Variants in GABRA1 observed in about 807,000 individuals in gnomAD.
GABRA1 encodes the protein gamma-aminobutyric acid type A receptor subunit alpha1, also known as gamma-aminobutyric acid receptor subunit alpha-1.
In GABRA1, 9 loss-of-function variants were observed where a neutral mutation model predicts 48.9. The ratio of observed to expected loss-of-function variants is 0.18; its 90% confidence interval spans 0.11 to 0.32. The LOEUF is 0.32. GABRA1 is among the 10% of genes least tolerant of loss of function. GABRA1 has a pLI of 1.00. For missense variants in GABRA1, 285 were observed against 553.8 expected (o/e 0.51, Z 4.87); for synonymous variants, 210 against 198.7 (o/e 1.06, Z -0.48).
chr5:161,894,292 G>A (rs1287273207), intron 8 of GABRA1, among the ~76,000 whole-genome samples: 1 of 152,130 alleles, frequency 6.6e-6, no homozygotes, highest in Non-Finnish European at 1.5e-5. Context: ...AGCAGTTATA[G>A]AACAGGGATT....
rs1037259843 is a variant in GABRA1, at chr5:161,899,820, C to T, written c.*2398C>T. On this transcript the variant is annotated 3_prime_UTR_variant, in exon 10 of 10. Transcript: ENST00000393943. ...ATTGCACTTTAGTGCAGTGAAGTGG[C>T]AATAAAACCTAACATGAATCAAGGT... is the stretch of plus-strand genomic sequence containing the variant. 6.6e-6 allele frequency: 1 copy of T among 152,044 alleles called. No homozygotes were observed. The highest frequency in any genetic ancestry group is 2.4e-5 in the African/African-American group (1 of 41,408). The allele number at this position is 152,044 out of a possible 1,614,324, so 9.4% of individuals were successfully genotyped here.
At chr5:161,886,005 T>G (rs1754828623) in intron 7 of GABRA1, among the ~76,000 whole-genome samples, 1 of 152,196 alleles carries the variant, frequency 6.6e-6, no homozygotes, top group African/African-American at 2.4e-5. Flanking sequence ...GCATTGGCAC[T>G]GTTCTATTCT....
chr5:161,869,628 A>G (rs985985822), intron 4 of GABRA1, among the ~76,000 whole-genome samples: 2 of 152,192 alleles, frequency 1.3e-5, no homozygotes, highest in Non-Finnish European at 2.9e-5. Flanking sequence ...ATACACACAG[A>G]TGGTAATAAA....
rs1167157957 is a variant in GABRA1, at chr5:161,854,194, C to G, written c.111C>G (p.Asp37Glu). 1 of 1,608,644 alleles carries G rather than the reference C, an allele frequency of 6.2e-7. No individual in the cohort carries two copies. Among genetic ancestry groups the G allele is most frequent in the Admixed American group, 1.7e-5 (1 of 59,886 alleles). ...CGTCATTACAAGATGAACTTAAAGA[C>G]AATACCACTGTCTTCACCAGGATTT... is the stretch of plus-strand genomic sequence containing the variant. Reference protein sequence around the residue: ...GQPSLQDELKDNTTVFTRILD... With the variant: ...GQPSLQDELKENTTVFTRILD... The change falls in exon 3 of 10, where the codon GAC becomes GAG. Residue 37 changes from aspartate to glutamate, a missense_variant. Asp to Glu is a conservative substitution (Grantham distance 45). This residue lies in a region of GABRA1 where 45 missense variants were observed against 39.9 expected (regional missense o/e 1.13). Transcript: ENST00000393943.
chr5:161,867,020 G>A (rs1357789942), intron 4 of GABRA1, among the ~76,000 whole-genome samples: 1 of 152,048 alleles, frequency 6.6e-6, no homozygotes, highest in South Asian at 2.1e-4. Context: ...TCATGTATAA[G>A]GTGGGATTAA....
chr5:161,885,078 A>T (rs1467415529), intron 7 of GABRA1, among the ~76,000 whole-genome samples: 1 of 152,210 alleles, frequency 6.6e-6, no homozygotes, highest in East Asian at 1.9e-4. Flanking sequence ...CAGCAAGTTC[A>T]CCTACATAAA....
At chr5:161,870,370 T>C (rs1754054687) in intron 4 of GABRA1, among the ~76,000 whole-genome samples, 1 of 151,982 alleles carries the variant, frequency 6.6e-6, no homozygotes, top group Non-Finnish European at 1.5e-5. Context: ...GAGACCAGCC[T>C]GACCAACATG....
At chr5:161,847,839 G>T (rs182812098), upstream of GABRA1, 7 of 152,180 alleles carry the variant, frequency 4.6e-5, no homozygotes, top group East Asian at 7.7e-4. Flanking sequence ...CCTTAAAATC[G>T]GGTGTTCATA....
chr5:161,854,716 C>A (rs1757580977), intron 3 of GABRA1, among the ~76,000 whole-genome samples: 1 of 151,546 alleles, frequency 6.6e-6, no homozygotes, highest in African/African-American at 2.4e-5. Flanking sequence ...TAAATTGCCA[C>A]CACCTCTAGG....
intron 2 of GABRA1, among the ~76,000 whole-genome samples, chr5:161,853,192 C>G (rs1193199320): frequency 1.3e-5 from 2 of 151,774 alleles, no homozygotes; most frequent in Non-Finnish European, 2.9e-5. Context: ...AAATATGATT[C>G]AAGGAGCATA....
chr5:161,893,692 G>A (rs1271646739), intron 8 of GABRA1, among the ~76,000 whole-genome samples: 2 of 152,128 alleles, frequency 1.3e-5, no homozygotes, highest in African/African-American at 4.8e-5. Context: ...ATCCAAGTTT[G>A]AGATTCAGTC....
intron 9 of GABRA1, 134 bp downstream of exon 9, chr5:161,896,002 A>C (rs1188539176): frequency 1.0e-5 from 8 of 768,836 alleles, no homozygotes; most frequent in Non-Finnish European, 1.8e-5. Flanking sequence ...TGTCGTAAAC[A>C]ATTAAGTGCC....
At chr5:161,867,829 T>G (rs924724971) in intron 4 of GABRA1, among the ~76,000 whole-genome samples, 15 of 152,118 alleles carry the variant, frequency 9.9e-5, no homozygotes, top group African/African-American at 3.6e-4. Context: ...ATCACATGTA[T>G]TGACTATAAA....
chr5:161,863,585 C>T (rs1757940377), intron 3 of GABRA1, among the ~76,000 whole-genome samples: 1 of 151,988 alleles, frequency 6.6e-6, no homozygotes, highest in Non-Finnish European at 1.5e-5. Flanking sequence ...AAACACTTCC[C>T]ACCAGGCCCC....
intron 5 of GABRA1, 133 bp from the exon 6 acceptor site, chr5:161,875,427 A>T: frequency 1.4e-6 from 1 of 738,430 alleles, no homozygotes; most frequent in African/African-American, 1.8e-5. Flanking sequence ...TTTGATTATT[A>T]ACAGCTCAGC....
At chr5:161,873,053 G>A (rs537092372) in intron 4 of GABRA1, 64 bp from the exon 5 acceptor site, 126 of 1,265,326 alleles carry the variant, frequency 1.0e-4, no homozygotes, top group African/African-American at 9.0e-4. Flanking sequence ...CACTGTCTGC[G>A]TTAGATATTT....
In GABRA1 at chr5:161,899,260, A is replaced by C. The variant is rs2091417758; in HGVS notation, c.*1838A>C. 6.6e-6 allele frequency: 1 copy of C among 152,546 alleles called. No individual in the cohort carries two copies. The highest frequency in any genetic ancestry group is 1.5e-5 in the Non-Finnish European group (1 of 67,994). 9.4% of individuals were successfully genotyped at this position (152,546 alleles called of 1,614,324 possible). On this transcript the variant is annotated 3_prime_UTR_variant, in exon 10 of 10. Coordinates refer to ENST00000393943, the MANE Select transcript of GABRA1 (RefSeq NM_001127644.2). ...AAATACATTGTGTTTTCCTAAACAC[A>C]CTTTTCTTTTTAAATGTGCTTCATT...
rs5872733 is a variant in GABRA1 at position 161,893,048 on chromosome 5, T to TAATAATAAAAA, written c.856+2000_856+2001insTAATAAAAAAA. On this transcript the variant is annotated intron_variant, in intron 8 of 9. Transcript: ENST00000393943. ...ATAATAATAATAATAATAATAATAA[T>TAATAATAAAAA]AAAATAAACACAGGACATATTTATG... 7.6e-3 allele frequency among the ~76,000 whole-genome samples: 1,084 copies of TAATAATAAAAA among 141,974 alleles called. 8 individuals carry two copies. The highest frequency in any genetic ancestry group is 0.011 in the African/African-American group (436 of 38,164). 93.1% of individuals were successfully genotyped at this position (141,974 alleles called of 152,430 possible).
chr5:161,868,809 A>G (rs1473727541), intron 4 of GABRA1, among the ~76,000 whole-genome samples: 3 of 152,136 alleles, frequency 2.0e-5, no homozygotes, highest in Non-Finnish European at 2.9e-5. Flanking sequence ...CCATAAACCA[A>G]TGTTGGAGTT....
Sources: allele counts gnomAD v4.1 joint callset (sites outside exome capture counted in the v4.1 genomes callset), GRCh38; gene constraint gnomAD v4.1.1; regional missense constraint gnomAD v4.1.1; transcripts MANE v1.5; gene names NCBI Gene and HGNC (gene_info 2026-07-23, HGNC 2026-07-21).